Variants in NALCN observed in about 807,000 individuals in gnomAD.
NALCN encodes sodium leak channel, non-selective.
NALCN carries 111 observed loss-of-function variants against 225.3 expected under a neutral mutation model. The observed-to-expected ratio is 0.49, with a 90% CI of 0.42 to 0.58. The LOEUF is 0.58. Ranked by LOEUF, NALCN falls within the 20% of genes least tolerant of loss-of-function variation. NALCN has a pLI of 0.00. For missense variants in NALCN, 1,378 were observed against 2,202.4 expected, an observed-to-expected ratio of 0.63 and a Z score of 7.49; for synonymous variants, 764 against 769.0, an observed-to-expected ratio of 0.99 and a Z score of 0.11.
chr13:101,209,632 C>T (rs994553398), intron 13 of NALCN, among the ~76,000 whole-genome samples: 2 of 152,118 alleles, frequency 1.3e-5, no homozygotes, highest in African/African-American at 2.4e-5. Context: ...GTTGAATTGG[C>T]AGCAACTATA....
At chr13:101,272,411 T>C (rs537268646) in intron 10 of NALCN, among the ~76,000 whole-genome samples, 19 of 152,352 alleles carry the variant, frequency 1.2e-4, no homozygotes, top group African/African-American at 4.3e-4. Flanking sequence ...CAGCTGGATA[T>C]GTACAATCAC....
chr13:101,283,399 A>T (rs1594599365), intron 10 of NALCN, among the ~76,000 whole-genome samples: 2 of 152,132 alleles, frequency 1.3e-5, no homozygotes, highest in African/African-American at 4.8e-5. Context: ...ACAGGCAGGG[A>T]CGTGAGACTC....
At chr13:101,330,665 G>T (rs2045134030) in intron 7 of NALCN, among the ~76,000 whole-genome samples, 1 of 152,182 alleles carries the variant, frequency 6.6e-6, no homozygotes, top group Non-Finnish European at 1.5e-5. Flanking sequence ...ATATGGTTTA[G>T]CTGTGTTTCC....
chr13:101,175,211 G>A (rs1247401650), intron 15 of NALCN, among the ~76,000 whole-genome samples: 1 of 151,610 alleles, frequency 6.6e-6, no homozygotes, highest in Non-Finnish European at 1.5e-5. Context: ...TTCTTGGTAT[G>A]CTCCAAGTAG....
chr13:101,387,317 C>T (rs17584161), intron 3 of NALCN, among the ~76,000 whole-genome samples: 32,760 of 151,376 alleles, frequency 0.22, 4,231 homozygotes, highest in Non-Finnish European at 0.3. Context: ...CTTTTCCACC[C>T]AGAACACATG....
intron 10 of NALCN, among the ~76,000 whole-genome samples, chr13:101,275,010 C>T (rs967232018): frequency 2.6e-5 from 4 of 152,132 alleles, no homozygotes; most frequent in South Asian, 4.1e-4. Flanking sequence ...CGGTTTCAAA[C>T]GACTTTGGGT....
At chr13:101,246,256 C>A (rs2041893258) in intron 11 of NALCN, among the ~76,000 whole-genome samples, 1 of 150,890 alleles carries the variant, frequency 6.6e-6, no homozygotes, top group Non-Finnish European at 1.5e-5. Context: ...ATGGACATTG[C>A]CCATGAGTGG....
chr13:101,117,278 T>C (rs1180427049), intron 18 of NALCN, among the ~76,000 whole-genome samples: 1 of 152,198 alleles, frequency 6.6e-6, no homozygotes, highest in Non-Finnish European at 1.5e-5. Context: ...AAAAATTAAC[T>C]CATGAGAAAT....
chr13:101,147,288 C>T (rs933343916), intron 15 of NALCN, among the ~76,000 whole-genome samples: 1 of 152,024 alleles, frequency 6.6e-6, no homozygotes, highest in Non-Finnish European at 1.5e-5. Flanking sequence ...CGGTTATTGC[C>T]ATTTCTCACG....
At chr13:101,105,072 A>G (rs769147753) in intron 22 of NALCN, 122 bp from the exon 23 acceptor site, 321 of 739,642 alleles carry the variant, frequency 4.3e-4, no homozygotes, top group Non-Finnish European at 6.8e-4. Context: ...TACAATGTCC[A>G]TTATAAAATA....
At chr13:101,077,463 G>T (rs2033333701) in intron 34 of NALCN, among the ~76,000 whole-genome samples, 1 of 152,172 alleles carries the variant, frequency 6.6e-6, no homozygotes, top group Non-Finnish European at 1.5e-5. Context: ...GGACAGTGAA[G>T]TCCAGGCTGA....
chr13:101,218,868 C>T (rs570569590), intron 13 of NALCN, among the ~76,000 whole-genome samples: 1 of 152,060 alleles, frequency 6.6e-6, no homozygotes, highest in Non-Finnish European at 1.5e-5. Flanking sequence ...AATTAAACCT[C>T]TCTTCTTTGT....
At chr13:101,263,638 CATT>C (rs2042503838) in intron 10 of NALCN, among the ~76,000 whole-genome samples, 1 of 152,150 alleles carries the variant, frequency 6.6e-6, no homozygotes, top group Admixed American at 6.5e-5. Context: ...TTGGTGCTGT[CATT>C]ATAATTAGGT....
intron 1 of NALCN, among the ~76,000 whole-genome samples, 164 bp downstream of exon 1, chr13:101,416,149 C>A (rs2047940167): frequency 6.6e-6 from 1 of 151,818 alleles, no homozygotes; most frequent in African/African-American, 2.4e-5. Flanking sequence ...GCGCGGGGCC[C>A]CCGCCCGCAG....
chr13:101,099,367 A>AATACATTAT (rs1187065616), intron 27 of NALCN, among the ~76,000 whole-genome samples: 12 of 152,042 alleles, frequency 7.9e-5, no homozygotes, highest in South Asian at 2.1e-4. Context: ...ATTTTGGCTG[A>AATACATTAT]ACAAAGATGT....
chr13:101,102,909 T>C (rs1013880623), intron 26 of NALCN, among the ~76,000 whole-genome samples: 1 of 152,126 alleles, frequency 6.6e-6, no homozygotes, highest in Non-Finnish European at 1.5e-5. Context: ...AGTCAAGAGG[T>C]TAGTACCGAA....
chr13:101,392,559 A>C (rs1417216412), intron 3 of NALCN, among the ~76,000 whole-genome samples: 1 of 152,222 alleles, frequency 6.6e-6, no homozygotes, highest in East Asian at 1.9e-4. Flanking sequence ...TTAATGAAGA[A>C]ACACTAGAGA....
chr13:101,313,917 T>C (rs1286608927), intron 7 of NALCN, among the ~76,000 whole-genome samples: 3 of 151,970 alleles, frequency 2.0e-5, no homozygotes, highest in Non-Finnish European at 2.9e-5. Context: ...AACCCAAATG[T>C]CCAACAACGA....
Position 101,103,276 on chromosome 13 carries a change from G to T in NALCN, c.2953C>A (p.Leu985Ile). The change falls in exon 26 of 44, where the codon CTA becomes ATA. Residue 985 changes from leucine to isoleucine, a missense_variant. Leu to Ile is a conservative substitution (Grantham distance 5). Coordinates refer to ENST00000251127, the MANE Select transcript of NALCN (RefSeq NM_052867.4). ...NVPAESGAQL[L>I]MVLRCLRPLR... is the part of the protein sequence containing the mutation. ...GGTCTCAGGCACCGAAGGACCATTA[G>T]AAGCTGAGCTCCCGATTCAGCAGGT... 2 of 1,613,976 alleles carry T rather than the reference G, an allele frequency of 1.2e-6. No individual in the cohort carries two copies. Among genetic ancestry groups the T allele is most frequent in the Non-Finnish European group, 1.7e-6 (2 of 1,179,900 alleles).
Sources: gnomAD v4.1 joint callset for allele counts (sites outside exome capture counted in the v4.1 genomes callset) on GRCh38, gnomAD v4.1.1 for gene constraint, MANE v1.5 for transcripts, NCBI Gene and HGNC (gene_info 2026-07-23, HGNC 2026-07-21) for gene names.